The following NEK3 variants were observed in gnomAD, a reference collection of about 807,000 sequenced individuals.
NEK3 encodes serine/threonine-protein kinase Nek3.
Under a neutral mutation model 66.0 loss-of-function variants are expected in NEK3, and 54 were observed. The observed-to-expected ratio is 0.82, with a 90% CI of 0.66 to 1.03. The LOEUF (loss-of-function observed/expected upper bound fraction) is 1.03. Ranked by LOEUF, NEK3 falls within the 50% of genes least tolerant of loss-of-function variation. The probability of loss-of-function intolerance (pLI) is 0.00; values close to 1 mark genes in which losing one functional copy is unlikely to be tolerated. For missense variants in NEK3, 593 were observed against 603.0 expected (o/e 0.98, Z 0.17); for synonymous variants, 200 against 206.2 (o/e 0.97, Z 0.26).
chr13:52,146,986 T>C (rs1956300234), intron 8 of NEK3, among the ~76,000 whole-genome samples: 2 of 152,336 alleles, frequency 1.3e-5, no homozygotes, highest in South Asian at 4.1e-4. Context: ...TAAGAACTAA[T>C]AGGAATTGGC....
At chr13:52,145,636 T>C (rs777699013) in intron 8 of NEK3, among the ~76,000 whole-genome samples, 3 of 152,176 alleles carry the variant, frequency 2.0e-5, no homozygotes, top group Non-Finnish European at 2.9e-5. Context: ...TTTAAACTTC[T>C]ACTGCAAAAT....
chr13:52,153,120 C>G (rs1358581619), intron 4 of NEK3, among the ~76,000 whole-genome samples: 1 of 151,964 alleles, frequency 6.6e-6, no homozygotes, highest in Non-Finnish European at 1.5e-5. Flanking sequence ...CATAAATAAT[C>G]CTTTGAGGTC....
At chr13:52,138,710 A>G (rs1196164076) in intron 11 of NEK3, among the ~76,000 whole-genome samples, 2 of 152,150 alleles carry the variant, frequency 1.3e-5, no homozygotes, top group African/African-American at 2.4e-5. Context: ...TGGGAGGATC[A>G]CTTAAGCCCA....
intron 2 of NEK3, among the ~76,000 whole-genome samples, chr13:52,155,652 A>G (rs911701756): frequency 1.3e-5 from 2 of 152,122 alleles, no homozygotes; most frequent in African/African-American, 4.8e-5. Context: ...TGCATGAAGG[A>G]GAAATTCCAT....
chr13:52,145,983 C>T (rs1467577683), intron 8 of NEK3, among the ~76,000 whole-genome samples: 1 of 152,116 alleles, frequency 6.6e-6, no homozygotes, highest in Admixed American at 6.6e-5. Context: ...TAATTCATTG[C>T]TAGTTACGTT....
intron 15 of NEK3, 43 bp downstream of exon 15, chr13:52,133,645 AC>A: frequency 6.5e-7 from 1 of 1,539,878 alleles, no homozygotes; most frequent in Non-Finnish European, 8.8e-7. Context: ...ACACACACAC[AC>A]CCCCAACCCC....
chr13:52,152,787 C>A (rs541813376), intron 4 of NEK3, 95 bp from the exon 5 acceptor site: 137 of 708,808 alleles, frequency 1.9e-4, no homozygotes, highest in Non-Finnish European at 1.7e-5. Flanking sequence ...CTTAGTCAAC[C>A]GGGATTTTAC....
chr13:52,140,294 T>C (rs1487728896), intron 11 of NEK3, among the ~76,000 whole-genome samples: 1 of 150,526 alleles, frequency 6.6e-6, no homozygotes, highest in Non-Finnish European at 1.5e-5. Context: ...CACATCTGTA[T>C]TGAAACCACT....
rs773950911 is a variant in NEK3, at chr13:52,136,141, G to T, written c.1149C>A (p.Ser383=). The T allele has an allele frequency of 2.5e-6, 4 of 1,613,730 alleles. No homozygotes were observed. Among genetic ancestry groups the T allele is most frequent in the Non-Finnish European group, 3.4e-6 (4 of 1,179,720 alleles). Reference sequence around the variant, plus strand: ...CTCTATCGTCCTCTGCTGTTAAACTGGAGGTGAGTATGGATGCATTTTCCA... The same window carrying T: ...CTCTATCGTCCTCTGCTGTTAAACTTGAGGTGAGTATGGATGCATTTTCCA... The part of the protein sequence containing the change: ...TALENASILT[S]SLTAEDDRGG... The change falls in exon 13 of 16, where the codon TCC becomes TCA. Residue 383 remains serine (S), a synonymous_variant. Transcript: ENST00000610828.
chr13:52,140,996 T>C (rs1956245928), intron 11 of NEK3, 24 bp downstream of exon 11: 11 of 1,571,480 alleles, frequency 7.0e-6, no homozygotes, highest in Non-Finnish European at 9.5e-6. Context: ...CCCGGCCTCA[T>C]AAAAGTAATT....
intron 4 of NEK3, among the ~76,000 whole-genome samples, chr13:52,153,112 T>C (rs1418832036): frequency 6.6e-6 from 1 of 152,146 alleles, no homozygotes; most frequent in Admixed American, 6.5e-5. Context: ...CATTATATCA[T>C]AAATAATCCT....
At chr13:52,140,650 G>A (rs1301661834) in intron 11 of NEK3, among the ~76,000 whole-genome samples, 1 of 151,720 alleles carries the variant, frequency 6.6e-6, no homozygotes, top group Non-Finnish European at 1.5e-5. Context: ...AATAAATGGC[G>A]ACCTAAAGTG....
At chr13:52,151,489 C>A in intron 5 of NEK3, 97 bp from the exon 6 acceptor site, 3 of 1,091,350 alleles carry the variant, frequency 2.7e-6, no homozygotes, top group Non-Finnish European at 4.0e-6. Context: ...GAGATTAAGG[C>A]TAGAAATGCT....
chr13:52,155,182 G>A (rs1469356961), intron 2 of NEK3, among the ~76,000 whole-genome samples: 1 of 151,956 alleles, frequency 6.6e-6, no homozygotes, highest in Non-Finnish European at 1.5e-5. Flanking sequence ...ATCACTGAAC[G>A]AAGTCAAGAA....
intron 4 of NEK3, among the ~76,000 whole-genome samples, 165 bp from the exon 5 acceptor site, chr13:52,152,857 GGA>G (rs757049064): frequency 3.3e-5 from 5 of 152,226 alleles, no homozygotes; most frequent in Admixed American, 1.3e-4. Context: ...AGTGTTACTT[GGA>G]GAAATTCAGA....
intron 2 of NEK3, among the ~76,000 whole-genome samples, chr13:52,155,406 T>C (rs111371879): frequency 0.04 from 6,027 of 152,328 alleles, 134 homozygotes; most frequent in South Asian, 0.065. Flanking sequence ...TTCTTCACTG[T>C]ATTTTTATGA....
chr13:52,135,840 T>C lies in NEK3; in HGVS notation c.1198A>G (p.Lys400Glu). ...DRGGSVIKYS[K>E]NTTRKQWLKE... ...AGCCACTGCTTACGAGTAGTATTTT[T>C]GCTGTACTTTATTACAGAACCACCT... Residue 400 changes from lysine to glutamate, a missense_variant, in exon 14 of 16, where the codon AAA becomes GAA. By Grantham distance (56) the Lys-to-Glu change is moderately conservative (BLOSUM62 1). Transcript: ENST00000610828. 10 of 1,613,160 alleles carry C rather than the reference T, an allele frequency of 6.2e-6. No homozygotes were observed. Among genetic ancestry groups the C allele is most frequent in the Non-Finnish European group, 8.5e-6 (10 of 1,179,578 alleles).
chr13:52,151,348 A>T lies in NEK3; in HGVS notation c.438T>A (p.Phe146Leu). 1 of 1,597,874 alleles carries T rather than the reference A, an allele frequency of 6.3e-7. No homozygotes were observed. The highest frequency in any genetic ancestry group is 8.5e-7 in the Non-Finnish European group (1 of 1,171,768). The change falls in exon 6 of 16, where the codon TTT becomes TTA. Residue 146 changes from phenylalanine (F) to leucine (L), a missense_variant. By Grantham distance (22) the Phe-to-Leu change is conservative (BLOSUM62 0). Coordinates refer to ENST00000610828, the MANE Select transcript of NEK3 (RefSeq NM_002498.3). The stretch of plus-strand genomic sequence containing the variant: ...ACTTGGAGAGAAGACGGGCAGATCC[A>T]AAGTCTCCCAATTTCACTTTTCCAT... ...TQNGKVKLGD[F>L]GSARLLSNPM... is the part of the protein sequence containing the mutation.
intron 2 of NEK3, among the ~76,000 whole-genome samples, 155 bp downstream of exon 2, chr13:52,155,920 C>T (rs916119263): frequency 2.0e-5 from 3 of 152,030 alleles, no homozygotes; most frequent in Middle Eastern, 6.3e-3. Context: ...TGACCTCAGG[C>T]CGGTCTCAAA....
Sources: gnomAD v4.1 joint callset for allele counts (sites outside exome capture counted in the v4.1 genomes callset) on GRCh38, gnomAD v4.1.1 for gene constraint, MANE v1.5 for transcripts, NCBI Gene and HGNC (gene_info 2026-07-23, HGNC 2026-07-21) for gene names.